EBF1: variants seen among roughly 807,000 people sequenced by gnomAD.
The protein encoded by EBF1 is transcription factor COE1.
In EBF1, 10 loss-of-function variants were observed where a neutral mutation model predicts 68.4. The observed-to-expected ratio is 0.15, with a 90% CI of 0.09 to 0.25. The LOEUF (loss-of-function observed/expected upper bound fraction) is 0.25. Among genes scored for constraint, EBF1 ranks in the 10% least tolerant of loss-of-function variants. The probability of loss-of-function intolerance (pLI) is 1.00; values close to 1 mark genes in which losing one functional copy is unlikely to be tolerated. For missense variants in EBF1, 509 were observed against 794.4 expected (o/e 0.64, Z 4.32); for synonymous variants, 298 against 299.8 (o/e 0.99, Z 0.06).
At chr5:158,928,437 A>G (rs990938364) in intron 6 of EBF1, among the ~76,000 whole-genome samples, 2 of 152,246 alleles carry the variant, frequency 1.3e-5, no homozygotes, top group African/African-American at 4.8e-5. Context: ...TGGATGATAA[A>G]ATGTGATTCT....
At position 158,712,325 on chromosome 5, in the gene EBF1, G is replaced by A. The variant is rs2127488869; in HGVS notation, c.1378C>T (p.Arg460Cys). The change falls in exon 14 of 16, where the codon CGC (arginine) becomes TGC (cysteine). Residue 460 changes from arginine to cysteine, a missense_variant. Coordinates refer to ENST00000313708, the MANE Select transcript of EBF1 (RefSeq NM_024007.5). ...ASQATNQGFT[R>C]NSSSVSPHGY... ...TGTGGTGATACGCTGCTTGAGTTGC[G>A]GGTGAAACCTGAGGGGCGGGGGCAA... 6.2e-7 allele frequency: 1 copy of A among 1,613,810 alleles called. No homozygotes were observed. Among genetic ancestry groups the A allele is most frequent in the Non-Finnish European group, 8.5e-7 (1 of 1,179,902 alleles).
intron 15 of EBF1, among the ~76,000 whole-genome samples, chr5:158,704,053 ATCTG>A (rs527643643): frequency 2.0e-5 from 3 of 152,336 alleles, no homozygotes; most frequent in East Asian, 3.9e-4. Flanking sequence ...AGTCCAGTCA[ATCTG>A]TCTGGGCTTA....
intron 10 of EBF1, among the ~76,000 whole-genome samples, chr5:158,739,404 C>T (rs760825060): frequency 4.3e-4 from 66 of 152,172 alleles, no homozygotes; most frequent in Non-Finnish European, 8.5e-4. Context: ...ACAGCATGGC[C>T]GTCCAGGAGC....
intron 6 of EBF1, among the ~76,000 whole-genome samples, chr5:158,954,136 GT>G (rs959529897): frequency 2.6e-5 from 4 of 152,202 alleles, no homozygotes; most frequent in Admixed American, 6.5e-5. Context: ...TTTTCTCAGA[GT>G]ATTCTGTTCA....
chr5:159,097,358 TC>T, intron 1 of EBF1: 1 of 556,004 alleles, frequency 1.8e-6, no homozygotes, highest in Non-Finnish European at 3.2e-6. Flanking sequence ...TCCTCAGAAC[TC>T]GCTGAAGAGG....
intron 6 of EBF1, among the ~76,000 whole-genome samples, chr5:158,937,565 G>A (rs897972408): frequency 6.6e-6 from 1 of 152,208 alleles, no homozygotes. Flanking sequence ...TCACGCAAAG[G>A]GGTAGAGCAG....
At chr5:159,097,992 C>A (rs949049179) in intron 1 of EBF1, among the ~76,000 whole-genome samples, 1 of 152,212 alleles carries the variant, frequency 6.6e-6, no homozygotes, top group African/African-American at 2.4e-5. Context: ...TCACTTCCAG[C>A]CCAGTTACCC....
intron 6 of EBF1, among the ~76,000 whole-genome samples, chr5:158,900,700 G>C (rs1464140015): frequency 6.6e-6 from 1 of 152,168 alleles, no homozygotes; most frequent in African/African-American, 2.4e-5. Flanking sequence ...AATATCAACT[G>C]CAACAGCAAC....
At chr5:158,946,950 C>T (rs1263678274) in intron 6 of EBF1, among the ~76,000 whole-genome samples, 2 of 152,202 alleles carry the variant, frequency 1.3e-5, no homozygotes, top group Non-Finnish European at 1.5e-5. Flanking sequence ...GTGAGCTCCC[C>T]CTAGCTGGAA....
chr5:159,026,664 C>T (rs1459142577), intron 6 of EBF1, among the ~76,000 whole-genome samples: 1 of 152,130 alleles, frequency 6.6e-6, no homozygotes, highest in South Asian at 2.1e-4. Flanking sequence ...CCTTAGAAGG[C>T]ATGCATGTTC....
At chr5:159,094,909 T>G (rs906950212) in intron 4 of EBF1, among the ~76,000 whole-genome samples, 3 of 152,130 alleles carry the variant, frequency 2.0e-5, no homozygotes, top group African/African-American at 7.2e-5. Context: ...GGCTCATAAT[T>G]GTATCTTTTA....
At chr5:159,094,997 TAAGACCAC>T (rs1782333954) in intron 4 of EBF1, among the ~76,000 whole-genome samples, 1 of 152,198 alleles carries the variant, frequency 6.6e-6, no homozygotes. Context: ...TATGTACCTT[TAAGACCAC>T]AAGCTCACTC....
At chr5:158,770,630 G>A (rs1001631794) in intron 10 of EBF1, among the ~76,000 whole-genome samples, 7 of 152,028 alleles carry the variant, frequency 4.6e-5, no homozygotes, top group South Asian at 2.1e-4. Context: ...TCTTACAGCC[G>A]TCCAAGGTAC....
intron 6 of EBF1, among the ~76,000 whole-genome samples, chr5:158,918,263 C>T (rs1807643470): frequency 6.6e-6 from 1 of 152,182 alleles, no homozygotes; most frequent in African/African-American, 2.4e-5. Flanking sequence ...AGTTGGTCTC[C>T]ATCAGCATCA....
chr5:159,044,364 ATTG>A (rs1258456189), intron 6 of EBF1, among the ~76,000 whole-genome samples: 4 of 152,272 alleles, frequency 2.6e-5, no homozygotes, highest in Middle Eastern at 3.4e-3. Context: ...GGTTGTCGCT[ATTG>A]TTGTTGTTTT....
At chr5:159,015,743 G>A (rs904299378) in intron 6 of EBF1, among the ~76,000 whole-genome samples, 9 of 152,282 alleles carry the variant, frequency 5.9e-5, no homozygotes, top group Admixed American at 5.2e-4. Flanking sequence ...TATACGGTCC[G>A]CATCTTTGTG....
intron 6 of EBF1, among the ~76,000 whole-genome samples, chr5:159,025,445 A>G (rs1767530626): frequency 6.6e-6 from 1 of 152,216 alleles, no homozygotes; most frequent in Non-Finnish European, 1.5e-5. Context: ...TACATGAGTT[A>G]TGATTTTTGT....
chr5:158,990,777 G>A (rs941540420), intron 6 of EBF1, among the ~76,000 whole-genome samples: 1 of 152,170 alleles, frequency 6.6e-6, no homozygotes, highest in African/African-American at 2.4e-5. Flanking sequence ...AAAAGACAAA[G>A]GCTCATAACA....
At chr5:158,728,579 T>G (rs1206787719) in intron 11 of EBF1, among the ~76,000 whole-genome samples, 1 of 152,184 alleles carries the variant, frequency 6.6e-6, no homozygotes, top group Non-Finnish European at 1.5e-5. Flanking sequence ...CTATTTTTCT[T>G]TGAGACAGGG....
Sources: allele counts gnomAD v4.1 joint callset (sites outside exome capture counted in the v4.1 genomes callset), GRCh38; gene constraint gnomAD v4.1.1; transcripts MANE v1.5; gene names NCBI Gene and HGNC (gene_info 2026-07-23, HGNC 2026-07-21).